SLC2A14: variants seen among roughly 807,000 people sequenced by gnomAD.
SLC2A14 encodes solute carrier family 2, facilitated glucose transporter member 14.
Under a neutral mutation model 43.0 loss-of-function variants are expected in SLC2A14, and 13 were observed. The ratio of observed to expected loss-of-function variants is 0.30; its 90% CI spans 0.20 to 0.48. The LOEUF (loss-of-function observed/expected upper bound fraction) is 0.48, where lower values mean the gene tolerates loss of function less well. SLC2A14 is among the 20% of genes least tolerant of loss of function. The pLI, the probability that SLC2A14 is intolerant of heterozygous loss-of-function variation, is 0.99. For missense variants in SLC2A14, 428 were observed against 620.4 expected, an observed-to-expected ratio of 0.69 and a Z score of 3.29; for synonymous variants, 190 against 233.8, an observed-to-expected ratio of 0.81 and a Z score of 1.71.
intron 2 of SLC2A14, among the ~76,000 whole-genome samples, chr12:7,834,696 C>T (rs976627013): frequency 6.7e-6 from 1 of 148,876 alleles, no homozygotes; most frequent in African/African-American, 2.5e-5. Context: ...GCCTGGGCAA[C>T]AGAGTGAGAC....
rs143883967 is a variant in SLC2A14, at chr12:7,840,240, C to T, written c.19-7426G>A. Among the ~76,000 whole-genome samples, 269 of 142,734 alleles carry T rather than the reference C, an allele frequency of 1.9e-3. 2 individuals carry two copies. Among genetic ancestry groups the T allele is most frequent in the African/African-American group, 6.7e-3 (256 of 38,176 alleles). 93.6% of individuals were successfully genotyped at this position (142,734 alleles called of 152,430 possible). ...ACATCACTCGTCCCCCTAATGAGGA[C>T]GGAGCAACAGTCGCCATCTTAGAAG... On this transcript the variant is annotated intron_variant, in intron 2 of 10. Coordinates refer to ENST00000431042, the MANE Select transcript of SLC2A14 (RefSeq NM_001286234.2).
intron 7 of SLC2A14, among the ~76,000 whole-genome samples, chr12:7,827,270 CTTTTTT>C (rs71038780): frequency 2.0e-5 from 2 of 99,248 alleles, no homozygotes; most frequent in Non-Finnish European, 3.8e-5. Flanking sequence ...TAATTTTTGT[CTTTTTT>C]TTTTTTTTTT....
At chr12:7,890,785 C>A in intron 1 of SLC2A14, 1 of 369,324 alleles carries the variant, frequency 2.7e-6, no homozygotes, top group Non-Finnish European at 4.9e-6. Context: ...TGCAAAGTCC[C>A]CCTTCAGCAA....
intron 7 of SLC2A14, among the ~76,000 whole-genome samples, chr12:7,824,658 A>C (rs909086787): frequency 6.9e-6 from 1 of 145,622 alleles, no homozygotes; most frequent in Non-Finnish European, 1.5e-5. Flanking sequence ...ACTTGAACCC[A>C]GGAGGTGGAA....
intron 7 of SLC2A14, among the ~76,000 whole-genome samples, chr12:7,826,297 A>G (rs1365027390): frequency 6.7e-6 from 1 of 148,666 alleles, no homozygotes; most frequent in African/African-American, 2.5e-5. Context: ...TGATATTCCC[A>G]CCTCAACCTC....
intron 1 of SLC2A14, among the ~76,000 whole-genome samples, chr12:7,879,641 G>A (rs1945531386): frequency 1.3e-5 from 2 of 151,652 alleles, no homozygotes; most frequent in South Asian, 2.1e-4. Flanking sequence ...CCAAGATCAC[G>A]CCACTGCACT....
chr12:7,854,084 A>T (rs1021508032), intron 2 of SLC2A14, among the ~76,000 whole-genome samples: 2 of 152,052 alleles, frequency 1.3e-5, no homozygotes. Flanking sequence ...CTTGGCCAAA[A>T]GACTGAGAAG....
At chr12:7,830,565 G>C (rs968808902) in intron 4 of SLC2A14, among the ~76,000 whole-genome samples, 1 of 152,112 alleles carries the variant, frequency 6.6e-6, no homozygotes, top group Admixed American at 6.6e-5. Flanking sequence ...GAGACTGGGA[G>C]GTCGAGGCTA....
intron 2 of SLC2A14, among the ~76,000 whole-genome samples, chr12:7,861,944 A>G (rs1167906758): frequency 6.9e-6 from 1 of 144,832 alleles, no homozygotes; most frequent in African/African-American, 2.6e-5. Flanking sequence ...CCTGGGCGAC[A>G]GAGCGAGACT....
chr12:7,879,596 A>G (rs1945530645), intron 1 of SLC2A14, among the ~76,000 whole-genome samples: 1 of 152,128 alleles, frequency 6.6e-6, no homozygotes, highest in Non-Finnish European at 1.5e-5. Flanking sequence ...AGGCAGGAGA[A>G]TCGCTTGAAC....
In SLC2A14 at chr12:7,827,071, CTCTCTT is replaced by C. The variant is rs1565509329; in HGVS notation, c.864+418_864+423del. ...TCTCTCTCTCTCTTTCTTTCTCTCTCTCTCTTTCTTTCTTTCTTTCTTTCTCTTTCT... is the reference window on the plus strand; with the variant it reads ...TCTCTCTCTCTCTTTCTTTCTCTCTCTCTTTCTTTCTTTCTTTCTCTTTCT... On this transcript the variant is annotated intron_variant, in intron 7 of 10. Transcript: ENST00000431042. Among the ~76,000 whole-genome samples, 7 of 79,778 alleles carry C rather than the reference CTCTCTT, an allele frequency of 8.8e-5. No individual in the cohort carries two copies. In the East Asian group the frequency reaches 1.4e-3, roughly 16 times the overall value. 52.3% of individuals were successfully genotyped at this position (79,778 alleles called of 152,430 possible). A position where few individuals can be genotyped will look rare whatever the true frequency, so the allele number is the denominator to read the frequency against.
intron 2 of SLC2A14, among the ~76,000 whole-genome samples, chr12:7,856,876 C>T (rs1263391660): frequency 2.0e-5 from 3 of 150,094 alleles, no homozygotes; most frequent in Admixed American, 6.7e-5. Context: ...CTCGCCCTGT[C>T]GCTCAGGTTG....
At chr12:7,839,910 A>G (rs1157516364) in intron 2 of SLC2A14, 1 of 362,952 alleles carries the variant, frequency 2.8e-6, no homozygotes, top group Admixed American at 3.9e-5. Context: ...CGACACAAGG[A>G]GACCCTGTCT....
At chr12:7,840,918 G>A (rs775187957) in intron 2 of SLC2A14, among the ~76,000 whole-genome samples, 1 of 152,300 alleles carries the variant, frequency 6.6e-6, no homozygotes, top group African/African-American at 2.4e-5. Flanking sequence ...ACAGAGACCT[G>A]AGGGTCAAAT....
upstream of SLC2A14, among the ~76,000 whole-genome samples, chr12:7,874,040 T>C (rs1219514491): frequency 6.6e-6 from 1 of 152,124 alleles, no homozygotes; most frequent in Non-Finnish European, 1.5e-5. Flanking sequence ...TCAAAAGGCA[T>C]GCAACTGAAT....
At chr12:7,814,992 G>T (rs1863307095) in intron 10 of SLC2A14, among the ~76,000 whole-genome samples, 1 of 151,892 alleles carries the variant, frequency 6.6e-6, no homozygotes, top group African/African-American at 2.4e-5. Context: ...CAGAGATGGG[G>T]TTTCACCATA....
At chr12:7,853,937 T>C (rs1867142472) in intron 2 of SLC2A14, among the ~76,000 whole-genome samples, 1 of 152,192 alleles carries the variant, frequency 6.6e-6, no homozygotes, top group Non-Finnish European at 1.5e-5. Context: ...TTATATAACA[T>C]TTATAGTCAC....
chr12:7,890,003 G>A (rs59235290), intron 1 of SLC2A14, among the ~76,000 whole-genome samples: 29,022 of 151,998 alleles, frequency 0.19, 3,110 homozygotes, highest in Middle Eastern at 0.32. Flanking sequence ...GGTCACTCTC[G>A]CCACCATTTT....
intron 1 of SLC2A14, among the ~76,000 whole-genome samples, 187 bp from the exon 2 acceptor site, chr12:7,870,124 T>C (rs1945145044): frequency 1.3e-5 from 2 of 152,252 alleles, no homozygotes; most frequent in Non-Finnish European, 2.9e-5. Context: ...ACAAAGTTTA[T>C]TCTACTCATT....
Sources: gnomAD v4.1 joint callset for allele counts (sites outside exome capture counted in the v4.1 genomes callset) on GRCh38, gnomAD v4.1.1 for gene constraint, MANE v1.5 for transcripts, NCBI Gene and HGNC (gene_info 2026-07-23, HGNC 2026-07-21) for gene names.